STXBP6: variants seen among roughly 807,000 people sequenced by gnomAD.
STXBP6 encodes syntaxin-binding protein 6.
Under a neutral mutation model 26.9 loss-of-function variants are expected in STXBP6, and 21 were observed. That is an observed-to-expected ratio of 0.78 (90% confidence interval 0.55 to 1.12). The LOEUF (loss-of-function observed/expected upper bound fraction) is 1.12, where lower values mean the gene tolerates loss of function less well. STXBP6 is among the 50% of genes most tolerant of loss of function. STXBP6 has a pLI of 0.00. For missense variants in STXBP6, 232 were observed against 257.9 expected, an observed-to-expected ratio of 0.90 and a Z score of 0.69; for synonymous variants, 97 against 92.6, an observed-to-expected ratio of 1.05 and a Z score of -0.27.
At chr14:25,046,539 A>T (rs1272700155) in intron 1 of STXBP6, among the ~76,000 whole-genome samples, 2 of 152,016 alleles carry the variant, frequency 1.3e-5, no homozygotes, top group Non-Finnish European at 2.9e-5. Context: ...CTGGGATCCC[A>T]TTTGGCCTAG....
intron 1 of STXBP6, among the ~76,000 whole-genome samples, chr14:25,043,577 C>T (rs950645817): frequency 6.6e-6 from 1 of 152,128 alleles, no homozygotes; most frequent in African/African-American, 2.4e-5. Context: ...CAGAAAGAAA[C>T]CTCAGACCCA....
chr14:24,941,500 T>C (rs1340275760), intron 2 of STXBP6, among the ~76,000 whole-genome samples: 3 of 152,174 alleles, frequency 2.0e-5, no homozygotes, highest in African/African-American at 7.2e-5. Flanking sequence ...GACACTGGCA[T>C]GAAGGTTGTA....
intron 2 of STXBP6, among the ~76,000 whole-genome samples, chr14:24,904,589 A>G (rs1209258613): frequency 1.3e-5 from 2 of 152,204 alleles, no homozygotes; most frequent in African/African-American, 2.4e-5. Context: ...GGTAATATTA[A>G]TTGAGGTCCA....
chr14:24,935,563 A>C lies in STXBP6; in HGVS notation c.154+39102T>G, dbSNP rs144764760. Reference sequence around the variant, plus strand: ...CATGTTGTGGAGATATGTGTGGTGAAGTTTCAAAAGGATGATTGATATTAA... The same window carrying C: ...CATGTTGTGGAGATATGTGTGGTGACGTTTCAAAAGGATGATTGATATTAA... On this transcript the variant is annotated intron_variant, in intron 2 of 5. Coordinates refer to ENST00000323944, the MANE Select transcript of STXBP6 (RefSeq NM_001394410.1). Among the ~76,000 whole-genome samples, 324 of 152,276 alleles carry C rather than the reference A, an allele frequency of 2.1e-3. 3 individuals carry two copies. The highest frequency in any genetic ancestry group is 7.6e-3 in the African/African-American group (316 of 41,568).
At position 24,856,960 on chromosome 14, in the gene STXBP6, C is replaced by T. The variant is rs186102507; in HGVS notation, c.285+67G>A. The T allele has an allele frequency of 5.0e-5, 78 of 1,568,880 alleles. No homozygotes were observed. In the African/African-American group the frequency reaches 9.5e-4, roughly 19 times the overall value. On this transcript the variant is annotated intron_variant, in intron 3 of 5. Transcript: ENST00000323944. ...ATGATTCAAACCACCACTACCACTACCAAGGTCAATCAGAGAGTCATCTTG... is the reference window on the plus strand; with the variant it reads ...ATGATTCAAACCACCACTACCACTATCAAGGTCAATCAGAGAGTCATCTTG...
At chr14:24,899,812 A>AAAGCAAAAAAAAG (rs2071146710) in intron 2 of STXBP6, among the ~76,000 whole-genome samples, 1 of 144,648 alleles carries the variant, frequency 6.9e-6, no homozygotes, top group African/African-American at 2.8e-5. Context: ...AAAAAAAAAA[A>AAAGCAAAAAAAAG]AAAAGAGTAA....
intron 2 of STXBP6, among the ~76,000 whole-genome samples, chr14:24,863,909 T>C (rs11158950): frequency 0.055 from 8,328 of 152,258 alleles, 312 homozygotes; most frequent in East Asian, 0.19. Context: ...ATGGAAAATT[T>C]ATATAACATG....
intron 1 of STXBP6, among the ~76,000 whole-genome samples, chr14:24,991,601 A>ATATTATT (rs1415477844): frequency 1.5e-4 from 23 of 152,368 alleles, no homozygotes; most frequent in African/African-American, 5.0e-4. Flanking sequence ...ATATAAATCC[A>ATATTATT]GTCAAAAGAC....
chr14:24,850,581 G>A (rs2069118020), intron 4 of STXBP6, among the ~76,000 whole-genome samples: 1 of 152,084 alleles, frequency 6.6e-6, no homozygotes, highest in Non-Finnish European at 1.5e-5. Flanking sequence ...ATTTCATCTT[G>A]CCCTTGTCTG....
chr14:24,989,903 T>A (rs1206462208), intron 1 of STXBP6, among the ~76,000 whole-genome samples: 1 of 152,210 alleles, frequency 6.6e-6, no homozygotes, highest in African/African-American at 2.4e-5. Context: ...AAGCATGTAC[T>A]GTGGTTACAT....
At chr14:24,983,730 A>G (rs931024710) in intron 1 of STXBP6, among the ~76,000 whole-genome samples, 1 of 152,186 alleles carries the variant, frequency 6.6e-6, no homozygotes, top group Non-Finnish European at 1.5e-5. Flanking sequence ...TATATTAGAT[A>G]TTTGTTGACT....
chr14:24,844,549 A>C (rs555766804), intron 4 of STXBP6, among the ~76,000 whole-genome samples: 1 of 152,302 alleles, frequency 6.6e-6, no homozygotes, highest in South Asian at 2.1e-4. Flanking sequence ...ATTGTAGGGC[A>C]CCCAATTGAT....
intron 2 of STXBP6, among the ~76,000 whole-genome samples, chr14:24,960,740 A>T (rs1309321729): frequency 7.9e-5 from 12 of 152,236 alleles, no homozygotes; most frequent in African/African-American, 2.9e-4. Context: ...AAACTTGAGA[A>T]GAAAGAGAGC....
chr14:24,979,559 C>G (rs1160569937), intron 1 of STXBP6, among the ~76,000 whole-genome samples: 1 of 152,110 alleles, frequency 6.6e-6, no homozygotes, highest in Non-Finnish European at 1.5e-5. Context: ...TTTTGAAATT[C>G]TACAAATTCA....
chr14:25,015,570 A>T (rs1356663642), intron 1 of STXBP6, among the ~76,000 whole-genome samples: 4 of 152,202 alleles, frequency 2.6e-5, no homozygotes, highest in African/African-American at 9.7e-5. Flanking sequence ...TTCTTAAAGA[A>T]CTAGGCAACA....
At chr14:24,919,210 G>A (rs2071886158) in intron 2 of STXBP6, among the ~76,000 whole-genome samples, 1 of 151,934 alleles carries the variant, frequency 6.6e-6, no homozygotes, top group African/African-American at 2.4e-5. Context: ...TATTTTCGGG[G>A]CAATTTCTGC....
At chr14:25,026,760 C>A (rs2075356723) in intron 1 of STXBP6, among the ~76,000 whole-genome samples, 1 of 152,122 alleles carries the variant, frequency 6.6e-6, no homozygotes, top group Non-Finnish European at 1.5e-5. Flanking sequence ...TGGACACACA[C>A]CCAAACAGCA....
intron 1 of STXBP6, among the ~76,000 whole-genome samples, chr14:25,021,235 T>C (rs1377655100): frequency 6.6e-6 from 1 of 152,158 alleles, no homozygotes; most frequent in East Asian, 1.9e-4. Context: ...TCCTTTCATC[T>C]TAGGCCAACC....
chr14:24,918,596 C>T (rs2071862068), intron 2 of STXBP6, among the ~76,000 whole-genome samples: 1 of 151,678 alleles, frequency 6.6e-6, no homozygotes, highest in Admixed American at 6.6e-5. Context: ...GTAGAATTGG[C>T]AGTCTGACAA....
Sources: allele counts gnomAD v4.1 joint callset (sites outside exome capture counted in the v4.1 genomes callset), GRCh38; gene constraint gnomAD v4.1.1; transcripts MANE v1.5; gene names NCBI Gene and HGNC (gene_info 2026-07-23, HGNC 2026-07-21).